Variants in TESC observed in about 807,000 individuals in gnomAD.
TESC encodes tescalcin, also known as calcineurin B homologous protein 3.
Under a neutral mutation model 31.0 loss-of-function variants are expected in TESC, and 19 were observed. The observed-to-expected ratio is 0.61, with a 90% CI of 0.43 to 0.90. The LOEUF is 0.90. Among genes scored for constraint, TESC ranks in the 40% least tolerant of loss-of-function variants. The pLI is 0.00. For synonymous variants in TESC, 109 were observed against 114.8 expected (o/e 0.95, Z 0.32); for missense variants, 248 against 303.8 (o/e 0.82, Z 1.36).
chr12:117,049,345 T>G (rs1954614209), intron 3 of TESC, among the ~76,000 whole-genome samples, 187 bp from the exon 4 acceptor site: 5 of 152,178 alleles, frequency 3.3e-5, no homozygotes, highest in Admixed American at 3.3e-4. Context: ...AGCTGAAAGC[T>G]CAGCCCTTGC....
chr12:117,072,069 T>C (rs1954981573), intron 2 of TESC, among the ~76,000 whole-genome samples: 1 of 152,162 alleles, frequency 6.6e-6, no homozygotes, highest in Non-Finnish European at 1.5e-5. Flanking sequence ...GATGGGGTGC[T>C]AGGCAATGCA....
chr12:117,078,763 C>A (rs192485737), intron 1 of TESC, among the ~76,000 whole-genome samples: 7 of 152,246 alleles, frequency 4.6e-5, no homozygotes, highest in Admixed American at 6.5e-5. Flanking sequence ...ATAATTATTT[C>A]TCATCTCAAT....
intron 1 of TESC, among the ~76,000 whole-genome samples, chr12:117,095,768 T>C (rs1344370974): frequency 6.6e-6 from 1 of 152,068 alleles, no homozygotes; most frequent in East Asian, 1.9e-4. Flanking sequence ...CAGTCATAGC[T>C]ACTGGGAAGG....
At chr12:117,065,291 C>G (rs1954860636) in intron 2 of TESC, among the ~76,000 whole-genome samples, 1 of 152,092 alleles carries the variant, frequency 6.6e-6, no homozygotes, top group South Asian at 2.1e-4. Context: ...AGGGCAGGGG[C>G]TGGGGGAGCA....
rs942743457 is a variant in TESC at position 117,090,715 on chromosome 12, G to A, written c.58+8510C>T. On this transcript the variant is annotated intron_variant, in intron 1 of 7. Coordinates refer to ENST00000335209, the MANE Select transcript of TESC (RefSeq NM_017899.4). ...ACCTGTGTGCCATAGTGGGACTCTG[G>A]CTGAGGTCCTTGGGGGGATGCAGGC... Among the ~76,000 whole-genome samples, 4 of 152,196 alleles carry A rather than the reference G, an allele frequency of 2.6e-5. No homozygotes were observed. In the East Asian group the frequency reaches 7.7e-4, roughly 29 times the overall value.
intron 3 of TESC, among the ~76,000 whole-genome samples, chr12:117,054,197 T>C (rs535607841): frequency 7.9e-5 from 12 of 152,000 alleles, no homozygotes; most frequent in Non-Finnish European, 1.8e-4. Flanking sequence ...GGGGCACCCC[T>C]GACCCAAGCC....
At chr12:117,098,956 C>A (rs1955433715) in intron 1 of TESC, among the ~76,000 whole-genome samples, 1 of 152,282 alleles carries the variant, frequency 6.6e-6, no homozygotes, top group African/African-American at 2.4e-5. Flanking sequence ...CTGGGCCCCG[C>A]TCCCTCCCCG....
At chr12:117,063,508 C>T (rs138872400) in intron 2 of TESC, among the ~76,000 whole-genome samples, 296 of 152,208 alleles carry the variant, frequency 1.9e-3, no homozygotes, top group Non-Finnish European at 3.1e-3. Context: ...CTTTCGGAGC[C>T]CAGCTCAGTT....
intron 1 of TESC, among the ~76,000 whole-genome samples, chr12:117,090,223 T>G (rs1385013616): frequency 2.6e-5 from 4 of 152,222 alleles, no homozygotes; most frequent in Non-Finnish European, 2.9e-5. Context: ...TTGCAAGAAT[T>G]AATAGTGTCT....
chr12:117,097,898 T>TA (rs1017360180), intron 1 of TESC, among the ~76,000 whole-genome samples: 24 of 152,090 alleles, frequency 1.6e-4, no homozygotes, highest in East Asian at 3.9e-4. Context: ...GATCCTTTTT[T>TA]AAAAAACAGA....
chr12:117,046,691 G>A (rs377190363), intron 5 of TESC, 25 bp from the exon 6 acceptor site: 70 of 1,552,290 alleles, frequency 4.5e-5, no homozygotes, highest in Admixed American at 7.8e-5. Context: ...GGAAACAAAC[G>A]GTGACCTTGG....
intron 4 of TESC, 40 bp downstream of exon 4, chr12:117,048,979 C>G (rs1485351995): frequency 8.1e-6 from 13 of 1,613,566 alleles, no homozygotes; most frequent in Non-Finnish European, 1.1e-5. Context: ...GAGGCTGCAC[C>G]CCAGGCCAGG....
At chr12:117,072,594 T>C (rs1037625897) in intron 2 of TESC, among the ~76,000 whole-genome samples, 1 of 152,222 alleles carries the variant, frequency 6.6e-6, no homozygotes, top group African/African-American at 2.4e-5. Flanking sequence ...CACCCAAAGT[T>C]GGATGGATCT....
intron 1 of TESC, among the ~76,000 whole-genome samples, chr12:117,083,451 C>T (rs539097678): frequency 1.1e-4 from 17 of 151,766 alleles, no homozygotes; most frequent in African/African-American, 4.1e-4. Flanking sequence ...ATGTTCAAAG[C>T]AGCACTGTTC....
chr12:117,048,787 C>T, intron 4 of TESC: 3 of 695,580 alleles, frequency 4.3e-6, no homozygotes, highest in Non-Finnish European at 7.7e-6. Flanking sequence ...GCACAACCCC[C>T]TTCTAGTCCC....
intron 1 of TESC, among the ~76,000 whole-genome samples, chr12:117,095,966 G>T (rs1955388503): frequency 6.7e-6 from 1 of 149,416 alleles, no homozygotes; most frequent in South Asian, 2.2e-4. Context: ...AGCAGCTGTG[G>T]GACTGCAGGC....
intron 6 of TESC, among the ~76,000 whole-genome samples, chr12:117,044,994 T>C (rs7960638): frequency 0.45 from 67,875 of 152,082 alleles, 17,366 homozygotes; most frequent in African/African-American, 0.71. Flanking sequence ...TGTTTGTCTT[T>C]GGCGGATGGC....
intron 2 of TESC, among the ~76,000 whole-genome samples, chr12:117,068,778 A>G (rs1954921612): frequency 1.3e-5 from 2 of 152,218 alleles, no homozygotes; most frequent in East Asian, 3.8e-4. Flanking sequence ...GGCTTTATCT[A>G]ATCATGCCTC....
At chr12:117,055,665 C>T (rs2393124) in intron 3 of TESC, among the ~76,000 whole-genome samples, 1 of 152,024 alleles carries the variant, frequency 6.6e-6, no homozygotes, top group Non-Finnish European at 1.5e-5. Context: ...TTCAGGGCTG[C>T]CTCTGGAGGA....
Sources: gnomAD v4.1 joint callset for allele counts (sites outside exome capture counted in the v4.1 genomes callset) on GRCh38, gnomAD v4.1.1 for gene constraint, MANE v1.5 for transcripts, NCBI Gene and HGNC (gene_info 2026-07-23, HGNC 2026-07-21) for gene names.